CCDC14: variants seen among roughly 807,000 people sequenced by gnomAD.
The protein encoded by CCDC14 is coiled-coil domain-containing protein 14.
Under a neutral mutation model 81.4 loss-of-function variants are expected in CCDC14, and 71 were observed. The observed-to-expected ratio is 0.87, with a 90% CI of 0.72 to 1.06. The LOEUF (loss-of-function observed/expected upper bound fraction) is 1.06. Ranked by LOEUF, CCDC14 falls within the 50% of genes least tolerant of loss-of-function variation. CCDC14 has a pLI of 0.00. For missense variants in CCDC14, 1,046 were observed against 1,047.3 expected (o/e 1.00, Z 0.02); for synonymous variants, 332 against 364.8 (o/e 0.91, Z 1.03).
At chr3:123,888,201 T>C in the CCDC14 span, among the ~76,000 whole-genome samples, 1 of 152,218 alleles carries the variant, frequency 6.6e-6, no homozygotes, top group East Asian at 1.9e-4. Context: ...TAGGACATTA[T>C]AGCTTTAATT....
At chr3:123,941,910 CAAT>C (rs1440555058) in intron 9 of CCDC14, among the ~76,000 whole-genome samples, 1 of 151,988 alleles carries the variant, frequency 6.6e-6, no homozygotes, top group Non-Finnish European at 1.5e-5. Context: ...TCCATGGTGA[CAAT>C]GTTAAAATAC....
intron 5 of CCDC14, among the ~76,000 whole-genome samples, chr3:123,950,691 T>C (rs1426017774): frequency 6.6e-6 from 1 of 152,052 alleles, no homozygotes; most frequent in African/African-American, 2.4e-5. Flanking sequence ...AAAAATTGTC[T>C]GTATCTTGAT....
At chr3:123,898,248 T>A (rs1486735939) in intron 5 of CCDC14, among the ~76,000 whole-genome samples, 1 of 152,218 alleles carries the variant, frequency 6.6e-6, no homozygotes, top group Non-Finnish European at 1.5e-5. Flanking sequence ...CCCATCCACT[T>A]CATAAGGTTG....
intron 9 of CCDC14, among the ~76,000 whole-genome samples, chr3:123,934,376 T>A (rs1277503235): frequency 6.6e-6 from 1 of 151,894 alleles, no homozygotes; most frequent in East Asian, 1.9e-4. Context: ...TCCTTTTCTA[T>A]CTGCTCATGC....
In CCDC14 at chr3:123,956,804, T is replaced by C; in HGVS notation, c.31-9A>G. 1 of 1,492,682 alleles carries C rather than the reference T, an allele frequency of 6.7e-7. No homozygotes were observed. Among genetic ancestry groups the C allele is most frequent in the South Asian group, 1.2e-5 (1 of 80,806 alleles). 92.5% of individuals were successfully genotyped at this position (1,492,682 alleles called of 1,614,324 possible). On this transcript the variant is annotated splice_polypyrimidine_tract_variant and intron_variant, in intron 1 of 12. Coordinates refer to ENST00000409697, the MANE Select transcript of CCDC14 (RefSeq NM_001366335.1). ...CTTCCTGAAGATAACACCTATGACA[T>C]AATATATTATAGCAGATAAACAAAT...
At chr3:123,910,977 T>C (rs889789739), downstream of CCDC14, among the ~76,000 whole-genome samples, 8 of 152,098 alleles carry the variant, frequency 5.3e-5, no homozygotes, top group Non-Finnish European at 1.5e-5. Context: ...TCACTAGAAA[T>C]ATCTGCAAGG....
chr3:123,939,553 T>C lies in CCDC14; in HGVS notation c.1343+5296A>G, dbSNP rs182359081. ...TTTATTTATAAATATCTTAATATTG[T>C]CTTTAATCCATTTGTTCTGTTCTCT... On this transcript the variant is annotated intron_variant, in intron 9 of 12. Transcript: ENST00000409697. Among the ~76,000 whole-genome samples the C allele has an allele frequency of 4.0e-5, 6 of 151,640 alleles. No homozygotes were observed. The East Asian group carries it at 1.2e-3, about 29-fold the overall frequency.
the CCDC14 span, among the ~76,000 whole-genome samples, chr3:123,891,273 G>A: frequency 6.6e-6 from 1 of 152,194 alleles, no homozygotes; most frequent in Non-Finnish European, 1.5e-5. Flanking sequence ...TTGTCATGGG[G>A]ATTAACATTT....
intron 12 of CCDC14, among the ~76,000 whole-genome samples, chr3:123,918,594 A>C (rs1198600794): frequency 6.6e-6 from 1 of 152,198 alleles, no homozygotes; most frequent in African/African-American, 2.4e-5. Flanking sequence ...TTTCCAAGCC[A>C]GTTAAGTACC....
At chr3:123,905,064 C>T (rs1222686075) in intron 5 of CCDC14, among the ~76,000 whole-genome samples, 1 of 152,122 alleles carries the variant, frequency 6.6e-6, no homozygotes, top group East Asian at 1.9e-4. Flanking sequence ...AAGAGTGACA[C>T]AGAGGTAACA....
intron 5 of CCDC14, among the ~76,000 whole-genome samples, chr3:123,904,381 T>C (rs1442992662): frequency 6.6e-6 from 1 of 152,016 alleles, no homozygotes; most frequent in Non-Finnish European, 1.5e-5. Context: ...GGTGTGTGGC[T>C]AGGGTGTGGG....
chr3:123,898,737 G>A (rs568118436), intron 5 of CCDC14, among the ~76,000 whole-genome samples: 2 of 152,200 alleles, frequency 1.3e-5, no homozygotes, highest in South Asian at 4.1e-4. Flanking sequence ...ACCCAGACTA[G>A]AGTGCAGCGG....
intron 5 of CCDC14, among the ~76,000 whole-genome samples, chr3:123,905,974 A>G (rs2034298259): frequency 1.3e-5 from 2 of 152,258 alleles, no homozygotes; most frequent in African/African-American, 4.8e-5. Flanking sequence ...GTTGAAATTA[A>G]GAACTCAACA....
chr3:123,892,925 C>T (rs900794056), downstream of CCDC14, among the ~76,000 whole-genome samples: 13 of 152,060 alleles, frequency 8.5e-5, no homozygotes, highest in African/African-American at 3.1e-4. Context: ...CTGCCTCAGC[C>T]TCCCAAGTAC....
At chr3:123,937,971 T>C (rs2036148852) in intron 9 of CCDC14, among the ~76,000 whole-genome samples, 1 of 151,914 alleles carries the variant, frequency 6.6e-6, no homozygotes, top group South Asian at 2.1e-4. Context: ...TCTCTATGTG[T>C]GAATTTGTTT....
chr3:123,889,171 AG>A, the CCDC14 span, among the ~76,000 whole-genome samples: 3 of 152,212 alleles, frequency 2.0e-5, no homozygotes, highest in African/African-American at 7.2e-5. Context: ...ACAATTTGGG[AG>A]GCCAAGGCAG....
intron 12 of CCDC14, among the ~76,000 whole-genome samples, chr3:123,924,954 T>TATAC (rs148449155): frequency 2.0e-5 from 3 of 147,286 alleles, no homozygotes; most frequent in African/African-American, 7.5e-5. Context: ...TATACATATA[T>TATAC]ACACACACAC....
intron 5 of CCDC14, among the ~76,000 whole-genome samples, chr3:123,950,620 C>T (rs2036951489): frequency 6.6e-6 from 1 of 151,934 alleles, no homozygotes; most frequent in African/African-American, 2.4e-5. Flanking sequence ...AATGGTTACA[C>T]AGGGATGAGG....
chr3:123,902,796 C>T (rs979450996), intron 5 of CCDC14, among the ~76,000 whole-genome samples: 3 of 151,826 alleles, frequency 2.0e-5, no homozygotes, highest in Admixed American at 6.6e-5. Flanking sequence ...TAATATTGTG[C>T]TTATCTTTTT....
Sources: allele counts gnomAD v4.1 joint callset (sites outside exome capture counted in the v4.1 genomes callset), GRCh38; gene constraint gnomAD v4.1.1; transcripts MANE v1.5; gene names NCBI Gene and HGNC (gene_info 2026-07-23, HGNC 2026-07-21).